PPHLN1: variants seen among roughly 807,000 people sequenced by gnomAD.
The protein encoded by PPHLN1 is periphilin-1.
Under a neutral mutation model 51.3 loss-of-function variants are expected in PPHLN1, and 29 were observed. That is an observed-to-expected ratio of 0.57 (90% CI 0.42 to 0.77). PPHLN1 has a LOEUF of 0.77. PPHLN1 is among the 30% of genes least tolerant of loss of function. The pLI is 0.00. For missense variants in PPHLN1, 436 were observed against 438.4 expected (o/e 0.99, Z 0.05); for synonymous variants, 147 against 147.8 (o/e 0.99, Z 0.04).
intron 9 of PPHLN1, among the ~76,000 whole-genome samples, chr12:42,431,189 CAT>C (rs947421283): frequency 3.3e-5 from 5 of 152,150 alleles, no homozygotes; most frequent in African/African-American, 1.2e-4. Flanking sequence ...ATTTAAAAAA[CAT>C]ATTAAAACAG....
chr12:42,437,213 C>A (rs1299230275), intron 9 of PPHLN1, among the ~76,000 whole-genome samples: 1 of 152,156 alleles, frequency 6.6e-6, no homozygotes, highest in East Asian at 1.9e-4. Context: ...TAGTATTTCC[C>A]CCAAACACCG....
At chr12:42,348,276 ATTTTTTT>A (rs1213561958) in intron 2 of PPHLN1, among the ~76,000 whole-genome samples, 1 of 85,610 alleles carries the variant, frequency 1.2e-5, no homozygotes, top group Non-Finnish European at 2.2e-5. Context: ...CACCTGGCTA[ATTTTTTT>A]TTTTTTTTTT....
intron 9 of PPHLN1, among the ~76,000 whole-genome samples, chr12:42,405,994 C>G (rs2079256467): frequency 6.6e-6 from 1 of 152,000 alleles, no homozygotes; most frequent in African/African-American, 2.4e-5. Context: ...TAGAATATTA[C>G]CAGCACCCAA....
rs559124984 is a variant in PPHLN1 at position 42,347,502 on chromosome 12, G to C, written c.73-4383G>C. Among the ~76,000 whole-genome samples the C allele has an allele frequency of 5.3e-5, 8 of 152,252 alleles. No homozygotes were observed. In the South Asian group the frequency reaches 1.7e-3, roughly 32 times the overall value. On this transcript the variant is annotated intron_variant, in intron 2 of 9. Coordinates refer to ENST00000358314, the MANE Select transcript of PPHLN1 (RefSeq NM_201439.2). ...ACAATATAATCTTTTTGAAAGGGGC[G>C]GGCGCAGTGGCTCATGCCTGTAATC...
chr12:42,446,668 A>C (rs1240853659), downstream of PPHLN1: 1 of 1,573,910 alleles, frequency 6.4e-7, no homozygotes, highest in South Asian at 1.2e-5. Flanking sequence ...CTCGTCAATC[A>C]ACAAAACCTG....
At chr12:42,408,153 A>T (rs957489396) in intron 9 of PPHLN1, among the ~76,000 whole-genome samples, 5 of 151,888 alleles carry the variant, frequency 3.3e-5, no homozygotes, top group Non-Finnish European at 4.4e-5. Flanking sequence ...CTTGCTATTT[A>T]AAAAAAACAT....
chr12:42,376,244 G>C (rs2076255314), intron 5 of PPHLN1, among the ~76,000 whole-genome samples: 1 of 152,148 alleles, frequency 6.6e-6, no homozygotes, highest in African/African-American at 2.4e-5. Context: ...CTCATTAACT[G>C]TCTTTTTTTC....
At chr12:42,402,495 T>C (rs1355695489) in intron 9 of PPHLN1, among the ~76,000 whole-genome samples, 1 of 152,220 alleles carries the variant, frequency 6.6e-6, no homozygotes, top group Non-Finnish European at 1.5e-5. Flanking sequence ...TTTGTGCGAC[T>C]ATATGGGCTA....
chr12:42,428,984 AATTTTT>A (rs1218257788), intron 9 of PPHLN1, among the ~76,000 whole-genome samples: 3 of 152,052 alleles, frequency 2.0e-5, no homozygotes, highest in African/African-American at 7.2e-5. Flanking sequence ...TTTATTAAAT[AATTTTT>A]ATTATTCTCA....
chr12:42,425,787 C>T (rs2081405834), intron 9 of PPHLN1, among the ~76,000 whole-genome samples: 1 of 152,206 alleles, frequency 6.6e-6, no homozygotes, highest in South Asian at 2.1e-4. Context: ...TCCATAATTA[C>T]AAGCAGTTTA....
intron 4 of PPHLN1, among the ~76,000 whole-genome samples, chr12:42,358,836 G>C (rs1004260176): frequency 6.6e-6 from 1 of 152,000 alleles, no homozygotes; most frequent in Non-Finnish European, 1.5e-5. Context: ...TCATGAAATA[G>C]TACTTTAGTT....
At chr12:42,422,227 A>C (rs985442094) in intron 9 of PPHLN1, among the ~76,000 whole-genome samples, 24 of 152,226 alleles carry the variant, frequency 1.6e-4, no homozygotes, top group African/African-American at 5.8e-4. Flanking sequence ...ACTTTTAAAT[A>C]CTACAACACA....
chr12:42,417,437 A>T (rs11829039), intron 9 of PPHLN1, among the ~76,000 whole-genome samples: 1 of 152,146 alleles, frequency 6.6e-6, no homozygotes, highest in Non-Finnish European at 1.5e-5. Context: ...GGGGAGTCCT[A>T]TCAGCAGTTG....
At chr12:42,398,506 T>G (rs2078485969) in intron 8 of PPHLN1, 1 of 179,438 alleles carries the variant, frequency 5.6e-6, no homozygotes, top group African/African-American at 2.4e-5. Flanking sequence ...CGAATAGGCC[T>G]AGAGGCTTTG....
intron 9 of PPHLN1, among the ~76,000 whole-genome samples, chr12:42,417,850 T>C (rs2080539553): frequency 6.7e-6 from 1 of 148,926 alleles, no homozygotes. Flanking sequence ...GTTAAACTTA[T>C]ATCCATAACT....
chr12:42,420,044 T>C (rs2080843467), intron 9 of PPHLN1, among the ~76,000 whole-genome samples: 1 of 152,164 alleles, frequency 6.6e-6, no homozygotes, highest in Non-Finnish European at 1.5e-5. Flanking sequence ...ACATGACTTC[T>C]TTGCCATCAA....
Position 42,441,660 on chromosome 12 carries a change from A to G in PPHLN1, c.*151A>G. Reference sequence around the variant, plus strand: ...TTTCAGTATTAAATAAACATCTAAAATAGTCTGTTTAAAATGTTTGATTCA... The same window carrying G: ...TTTCAGTATTAAATAAACATCTAAAGTAGTCTGTTTAAAATGTTTGATTCA... On this transcript the variant is annotated 3_prime_UTR_variant, in exon 10 of 10. Transcript: ENST00000358314. The G allele has an allele frequency of 5.4e-6, 7 of 1,295,036 alleles. No homozygotes were observed. The highest frequency in any genetic ancestry group is 6.9e-6 in the Non-Finnish European group (7 of 1,008,148). The allele number at this position is 1,295,036 out of a possible 1,614,324, so 80.2% of individuals were successfully genotyped here. A position where few individuals can be genotyped will look rare whatever the true frequency, so the allele number is the denominator to read the frequency against.
At chr12:42,444,816 A>G, downstream of PPHLN1, 1 of 526,706 alleles carries the variant, frequency 1.9e-6, no homozygotes, top group South Asian at 2.5e-5. Flanking sequence ...AGTTATTCCT[A>G]CAAAGGTAGT....
intron 4 of PPHLN1, among the ~76,000 whole-genome samples, chr12:42,363,233 T>G (rs1179629902): frequency 6.6e-6 from 1 of 152,198 alleles, no homozygotes; most frequent in Non-Finnish European, 1.5e-5. Context: ...GTATCATCAC[T>G]GTGTTTGTTC....
Sources: allele counts gnomAD v4.1 joint callset (sites outside exome capture counted in the v4.1 genomes callset), GRCh38; gene constraint gnomAD v4.1.1; transcripts MANE v1.5; gene names NCBI Gene and HGNC (gene_info 2026-07-23, HGNC 2026-07-21).